NCAM2: variants seen among roughly 807,000 people sequenced by gnomAD.
NCAM2 encodes neural cell adhesion molecule 2.
Under a neutral mutation model 98.1 loss-of-function variants are expected in NCAM2, and 30 were observed. That is an observed-to-expected ratio of 0.31 (90% CI 0.23 to 0.41). The LOEUF (loss-of-function observed/expected upper bound fraction) is 0.41. NCAM2 is among the 10% of genes least tolerant of loss of function. The pLI, the probability that NCAM2 is intolerant of heterozygous loss-of-function variation, is 1.00. For synonymous variants in NCAM2, 368 were observed against 342.4 expected (o/e 1.07, Z -0.83); for missense variants, 867 against 1,005.8 (o/e 0.86, Z 1.87).
intron 16 of NCAM2, among the ~76,000 whole-genome samples, chr21:21,509,515 T>A (rs574522561): frequency 2.6e-5 from 4 of 152,292 alleles, no homozygotes; most frequent in African/African-American, 9.6e-5. Flanking sequence ...GGCTTCATGA[T>A]TTTTTGTATA....
rs1182607033 is a variant in NCAM2, at chr21:21,372,540, T to C, written c.1045-1323T>C. ...TAGGTGTTGAATCAGAGCCAAGATATAAATGAATTTTCTTTCAGATATTTG... is the reference window on the plus strand; with the variant it reads ...TAGGTGTTGAATCAGAGCCAAGATACAAATGAATTTTCTTTCAGATATTTG... On this transcript the variant is annotated intron_variant, in intron 8 of 17. Coordinates refer to ENST00000400546, the MANE Select transcript of NCAM2 (RefSeq NM_004540.5). Among the ~76,000 whole-genome samples, 13 of 151,780 alleles carry C rather than the reference T, an allele frequency of 8.6e-5. No homozygotes were observed. The Admixed American group carries it at 8.6e-4, about 10-fold the overall frequency.
chr21:21,384,717 C>T (rs1055126137), intron 9 of NCAM2, among the ~76,000 whole-genome samples: 6 of 151,680 alleles, frequency 4.0e-5, no homozygotes, highest in Non-Finnish European at 8.8e-5. Context: ...TAGATGAACA[C>T]GATGATAGAA....
chr21:21,541,272 A>G lies in NCAM2; in HGVS notation c.*3315A>G, dbSNP rs1397285686. 1 of 151,692 alleles carries G rather than the reference A, an allele frequency of 6.6e-6. No individual in the cohort carries two copies. Among genetic ancestry groups the G allele is most frequent in the Non-Finnish European group, 1.5e-5 (1 of 67,742 alleles). 9.4% of individuals were successfully genotyped at this position (151,692 alleles called of 1,614,324 possible). A position where few individuals can be genotyped will look rare whatever the true frequency, so the allele number is the denominator to read the frequency against. On this transcript the variant is annotated 3_prime_UTR_variant, in exon 18 of 18. Coordinates refer to ENST00000400546, the MANE Select transcript of NCAM2 (RefSeq NM_004540.5). ...AAAGAAAAAAACTACAATTAACATC[A>G]TTACTAGTATATTTTGCTTAGATTT... is the stretch of plus-strand genomic sequence containing the variant.
rs368797672 is a variant in NCAM2, at chr21:21,399,326, G to C, written c.1196-10948G>C. Among the ~76,000 whole-genome samples, 22 of 152,222 alleles carry C rather than the reference G, an allele frequency of 1.4e-4. 1 individual carries two copies. In the East Asian group the frequency reaches 3.9e-3, roughly 27 times the overall value. ...AGTTAGTTATGACAGTTCTTTTGCTGTTTCACTGTTACACTATTACATGTG... is the reference window on the plus strand; with the variant it reads ...AGTTAGTTATGACAGTTCTTTTGCTCTTTCACTGTTACACTATTACATGTG... On this transcript the variant is annotated intron_variant, in intron 9 of 17. Coordinates refer to ENST00000400546, the MANE Select transcript of NCAM2 (RefSeq NM_004540.5).
chr21:21,334,662 T>C (rs2074809298), intron 6 of NCAM2, among the ~76,000 whole-genome samples: 1 of 151,792 alleles, frequency 6.6e-6, no homozygotes, highest in Non-Finnish European at 1.5e-5. Context: ...AAAAGATGAA[T>C]AAAATGAAAG....
At chr21:21,129,902 T>C (rs934286155) in intron 1 of NCAM2, among the ~76,000 whole-genome samples, 1 of 152,180 alleles carries the variant, frequency 6.6e-6, no homozygotes, top group African/African-American at 2.4e-5. Context: ...AAGGTGAATT[T>C]TGGACTTAGA....
At chr21:21,509,843 CAT>C (rs773142508) in intron 16 of NCAM2, among the ~76,000 whole-genome samples, 62 of 152,200 alleles carry the variant, frequency 4.1e-4, no homozygotes, top group Non-Finnish European at 8.1e-4. Flanking sequence ...CATACACAAA[CAT>C]ATGCACACAC....
intron 1 of NCAM2, among the ~76,000 whole-genome samples, chr21:21,261,397 T>C (rs76157557): frequency 0.075 from 11,472 of 152,184 alleles, 506 homozygotes; most frequent in African/African-American, 0.12. Flanking sequence ...TGCTTTTTTT[T>C]CCCCTCATCT....
intron 6 of NCAM2, among the ~76,000 whole-genome samples, chr21:21,325,910 T>A (rs1373194310): frequency 2.0e-5 from 3 of 152,174 alleles, no homozygotes; most frequent in African/African-American, 7.2e-5. Context: ...CTTATGCCGA[T>A]CTTAGCTAAT....
At chr21:21,517,758 T>C (rs977109907) in intron 16 of NCAM2, among the ~76,000 whole-genome samples, 1 of 152,058 alleles carries the variant, frequency 6.6e-6, no homozygotes, top group African/African-American at 2.4e-5. Context: ...CTCGGGAGGC[T>C]GAGACAGGAG....
At chr21:21,246,702 A>G (rs1207313784) in intron 1 of NCAM2, among the ~76,000 whole-genome samples, 2 of 152,160 alleles carry the variant, frequency 1.3e-5, no homozygotes, top group East Asian at 3.9e-4. Context: ...AGCAAAATAA[A>G]TCCATGAAAA....
chr21:21,216,260 C>G (rs2069895390), intron 1 of NCAM2, among the ~76,000 whole-genome samples: 1 of 152,026 alleles, frequency 6.6e-6, no homozygotes, highest in Non-Finnish European at 1.5e-5. Flanking sequence ...GAAAATACAA[C>G]AAAAAACAGA....
intron 1 of NCAM2, among the ~76,000 whole-genome samples, chr21:21,254,116 T>C (rs1032000632): frequency 1.3e-5 from 2 of 152,184 alleles, no homozygotes; most frequent in Non-Finnish European, 2.9e-5. Flanking sequence ...AGGCAGTAAA[T>C]ATTCATTTTA....
chr21:21,417,913 T>C (rs2077025788), intron 10 of NCAM2, among the ~76,000 whole-genome samples: 1 of 152,064 alleles, frequency 6.6e-6, no homozygotes, highest in East Asian at 1.9e-4. Context: ...CCTTCCTCCT[T>C]CGTTAGTATT....
intron 1 of NCAM2, among the ~76,000 whole-genome samples, chr21:21,163,401 C>T (rs547982272): frequency 2.0e-5 from 3 of 152,154 alleles, no homozygotes; most frequent in Admixed American, 1.3e-4. Context: ...GTTTGTCTGG[C>T]CTTCTTCTCT....
At chr21:21,499,115 G>T (rs1007517529) in intron 15 of NCAM2, among the ~76,000 whole-genome samples, 6 of 152,128 alleles carry the variant, frequency 3.9e-5, no homozygotes, top group Non-Finnish European at 8.8e-5. Context: ...AATAAAAAAG[G>T]AATAATATTA....
intron 4 of NCAM2, among the ~76,000 whole-genome samples, chr21:21,286,860 C>A (rs928880727): frequency 2.0e-5 from 3 of 151,808 alleles, no homozygotes; most frequent in African/African-American, 7.2e-5. Context: ...AGGAGTACAT[C>A]CTGCTGTATT....
chr21:21,455,766 G>A (rs912848474), intron 12 of NCAM2, among the ~76,000 whole-genome samples: 22 of 151,936 alleles, frequency 1.4e-4, no homozygotes, highest in African/African-American at 5.1e-4. Flanking sequence ...TGAAAAATTT[G>A]TGTTAAGCAA....
At chr21:21,071,975 C>G (rs939917088) in intron 1 of NCAM2, among the ~76,000 whole-genome samples, 5 of 151,868 alleles carry the variant, frequency 3.3e-5, no homozygotes, top group African/African-American at 7.3e-5. Context: ...TGCAGTGGCG[C>G]GATCTCGGCT....
Sources: allele counts gnomAD v4.1 joint callset (sites outside exome capture counted in the v4.1 genomes callset), GRCh38; gene constraint gnomAD v4.1.1; transcripts MANE v1.5; gene names NCBI Gene and HGNC (gene_info 2026-07-23, HGNC 2026-07-21).